Variants in KIAA1210 observed in about 807,000 individuals in gnomAD.
KIAA1210 encodes the protein acrosomal protein KIAA1210.
KIAA1210 carries 48 observed loss-of-function variants against 78.9 expected under a neutral mutation model. That is an observed-to-expected ratio of 0.61 (90% CI 0.48 to 0.77). The LOEUF (loss-of-function observed/expected upper bound fraction) is 0.77, where lower values mean the gene tolerates loss of function less well. KIAA1210 is among the 30% of genes least tolerant of loss of function. The pLI, the probability that KIAA1210 is intolerant of heterozygous loss-of-function variation, is 0.00. For synonymous variants in KIAA1210, 406 were observed against 404.5 expected (o/e 1.00, Z -0.04); for missense variants, 1,108 against 1,100.0 (o/e 1.01, Z -0.10).
intron 2 of KIAA1210, among the ~76,000 whole-genome samples, chrX:119,119,171 G>A (rs757084817): frequency 1.8e-5 from 2 of 112,706 alleles, no homozygotes; most frequent in African/African-American, 3.2e-5. Flanking sequence ...CAATAAATGT[G>A]AGCTAGTGTT....
At position 119,087,233 on chromosome X, in the gene KIAA1210, A is replaced by C; in HGVS notation, c.3469T>G (p.Ser1157Ala). The C allele has an allele frequency of 8.3e-7, 1 of 1,210,998 alleles. No individual in the cohort carries two copies. The highest frequency in any genetic ancestry group is 1.8e-5 in the South Asian group (1 of 56,897). ...NSKKQLPPKHSSQASDRSKFQ... is the reference protein window; with the variant it reads ...NSKKQLPPKHASQASDRSKFQ... Reference sequence around the variant, plus strand: ...TTAGACCTATCTGAGGCTTGGGAAGAATGTTTGGGAGGCAGCTGCTTTTTA... The same window carrying C: ...TTAGACCTATCTGAGGCTTGGGAAGCATGTTTGGGAGGCAGCTGCTTTTTA... The change falls in exon 9 of 12, where the codon TCT (serine) becomes GCT (alanine). Residue 1157 changes from serine to alanine, a missense_variant. By Grantham distance (99) the Ser-to-Ala change is moderately conservative. Coordinates refer to ENST00000691062, the MANE Select transcript of KIAA1210 (RefSeq NM_001394962.1).
intron 2 of KIAA1210, among the ~76,000 whole-genome samples, chrX:119,143,800 T>TAATTTAATC (rs1431937119): frequency 8.9e-6 from 1 of 112,271 alleles, no homozygotes; most frequent in Non-Finnish European, 1.9e-5. Context: ...GCCAGTTACC[T>TAATTTAATC]AATTTAATCT....
intron 1 of KIAA1210, among the ~76,000 whole-genome samples, chrX:119,126,621 C>A (rs972549192): frequency 2.7e-5 from 3 of 112,162 alleles, no homozygotes; most frequent in African/African-American, 9.7e-5. Flanking sequence ...AATAACCATA[C>A]CGCCTTTCTT....
At chrX:119,108,561 T>C in intron 4 of KIAA1210, 90 bp from the exon 5 acceptor site, 1 of 1,065,254 alleles carries the variant, frequency 9.4e-7, no homozygotes, top group Non-Finnish European at 1.2e-6. Context: ...ATTCTTATGG[T>C]GTGTTAAGAG....
At chrX:119,107,564 G>A (rs751874691) in intron 5 of KIAA1210, among the ~76,000 whole-genome samples, 3 of 112,083 alleles carry the variant, frequency 2.7e-5, no homozygotes, top group African/African-American at 6.5e-5. Flanking sequence ...GACCCTAGGG[G>A]CTGCTTAACA....
upstream of KIAA1210, among the ~76,000 whole-genome samples, chrX:119,130,990 G>C (rs1032297081): frequency 9.0e-6 from 1 of 111,530 alleles, no homozygotes; most frequent in African/African-American, 3.3e-5. Flanking sequence ...GGAAAAAAGG[G>C]GAAAAGGCCC....
intron 7 of KIAA1210, among the ~76,000 whole-genome samples, chrX:119,095,421 T>A (rs945669386): frequency 7.2e-5 from 8 of 111,689 alleles, no homozygotes; most frequent in Non-Finnish European, 1.1e-4. Flanking sequence ...AACGGAGTTT[T>A]GCTCTTGTCC....
rs771817453 is a variant in KIAA1210, at chrX:119,079,602, G to A, written c.*1727C>T. ...AGCCGAGGAGTTATTAATGGAGGCTGTGCTACAAAAGAAAAAGACCGTGTG... is the reference window on the plus strand; with the variant it reads ...AGCCGAGGAGTTATTAATGGAGGCTATGCTACAAAAGAAAAAGACCGTGTG... On this transcript the variant is annotated 3_prime_UTR_variant, in exon 12 of 12. Coordinates refer to ENST00000691062, the MANE Select transcript of KIAA1210 (RefSeq NM_001394962.1). 1 of 111,965 alleles carries A rather than the reference G, an allele frequency of 8.9e-6. No homozygotes were observed. Among genetic ancestry groups the A allele is most frequent in the Admixed American group, 9.4e-5 (1 of 10,617 alleles). 9.2% of individuals were successfully genotyped at this position (111,965 alleles called of 1,213,427 possible). A position where few individuals can be genotyped will look rare whatever the true frequency, so the allele number is the denominator to read the frequency against.
rs758235690 is a variant in KIAA1210 at position 119,146,508 on chromosome X, C to A, written c.410+965G>T. On this transcript the variant is annotated intron_variant, in intron 2 of 13. Transcript: ENST00000402510. Reference sequence around the variant, plus strand: ...ACCAAATGAAACCTGTCAACTACATCTTTAGAGACATCTCCAAAAGCTTTA... The same window carrying A: ...ACCAAATGAAACCTGTCAACTACATATTTAGAGACATCTCCAAAAGCTTTA... Among the ~76,000 whole-genome samples, 25 of 112,476 alleles carry A rather than the reference C, an allele frequency of 2.2e-4. 2 individuals carry two copies. In the South Asian group the frequency reaches 9.3e-3, roughly 42 times the overall value.
intron 2 of KIAA1210, among the ~76,000 whole-genome samples, chrX:119,119,558 T>C (rs899457747): frequency 7.1e-5 from 8 of 112,414 alleles, no homozygotes; most frequent in Non-Finnish European, 1.3e-4. Context: ...TAATAAAATA[T>C]TTAAGGCTGG....
At position 119,085,383 on chromosome X, in the gene KIAA1210, C is replaced by T. The variant is rs1454484069; in HGVS notation, c.4320G>A (p.Glu1440=). The T allele has an allele frequency of 1.7e-6, 2 of 1,206,320 alleles. No individual in the cohort carries two copies. Among genetic ancestry groups the T allele is most frequent in the African/African-American group, 1.8e-5 (1 of 57,068 alleles). ...ADAETKEPKY[E]GAGSANENQP... ...TTTTATTGGCTACCCCAGGTCCTAC[C>T]TCATATTTAGGCTCCTTAGTCTCAG... Residue 1440 remains glutamate (E), a splice_region_variant and synonymous_variant, in exon 10 of 12, where the codon GAG becomes GAA. Coordinates refer to ENST00000691062, the MANE Select transcript of KIAA1210 (RefSeq NM_001394962.1).
At chrX:119,109,326 G>T in intron 3 of KIAA1210, 124 bp from the exon 4 acceptor site, 1 of 639,090 alleles carries the variant, frequency 1.6e-6, no homozygotes, top group Non-Finnish European at 2.3e-6. Context: ...CATATGTGCT[G>T]ACATAGAAAG....
At chrX:119,125,732 TA>T (rs1928617208) in intron 1 of KIAA1210, among the ~76,000 whole-genome samples, 1 of 8,671 alleles carries the variant, frequency 1.2e-4, no homozygotes, top group African/African-American at 1.7e-4. Flanking sequence ...TATATATATA[TA>T]TATTTTTTTT....
At chrX:119,150,927 C>T (rs952683857), upstream of KIAA1210, among the ~76,000 whole-genome samples, 8 of 112,522 alleles carry the variant, frequency 7.1e-5, no homozygotes, top group Non-Finnish European at 1.5e-4. Context: ...CGGCTGCGCC[C>T]GCCACTTACT....
Position 119,150,254 on chromosome X carries a change from C to CT in KIAA1210, c.289+36dup, listed in dbSNP as rs777623857. The CT allele has an allele frequency of 6.0e-6, 7 of 1,165,407 alleles. No homozygotes were observed. The African/African-American group carries it at 1.1e-4, about 18-fold the overall frequency. Reference sequence around the variant, plus strand: ...AGACTTGAGTCATTTCTTACAAACTCTGTCAAAGTCAAGGCTGTAGGAGTG... The same window carrying CT: ...AGACTTGAGTCATTTCTTACAAACTCTTGTCAAAGTCAAGGCTGTAGGAGTG... On this transcript the variant is annotated intron_variant, in intron 1 of 13. Coordinates refer to the KIAA1210 transcript ENST00000402510.
At position 119,088,361 on chromosome X, in the gene KIAA1210, G is replaced by A; in HGVS notation, c.2341C>T (p.Pro781Ser). The A allele has an allele frequency of 2.5e-6, 3 of 1,210,806 alleles. No homozygotes were observed. The South Asian group carries it at 5.3e-5, about 21-fold the overall frequency. The change falls in exon 9 of 12, where the codon CCT becomes TCT. Residue 781 changes from proline (P) to serine (S), a missense_variant. Transcript: ENST00000691062. ...GAGGAAACTTCTTGCTCCACTTTAG[G>A]GTTCACCCATGGCTGGAAAGGGTGT... ...PRHPFQPWVN[P>S]KVEQEVSSSP...
At chrX:119,104,593 A>G (rs1443643818) in intron 6 of KIAA1210, among the ~76,000 whole-genome samples, 2 of 111,915 alleles carry the variant, frequency 1.8e-5, no homozygotes, top group East Asian at 5.5e-4. Flanking sequence ...CATATGAAAT[A>G]GACACATCGC....
In KIAA1210 at chrX:119,081,039, G is replaced by A. The variant is rs1248030094; in HGVS notation, c.*290C>T. 4.2e-5 allele frequency: 7 copies of A among 166,420 alleles called. No homozygotes were observed. The highest frequency in any genetic ancestry group is 6.7e-5 in the Non-Finnish European group (6 of 89,800). 13.7% of individuals were successfully genotyped at this position (166,420 alleles called of 1,213,427 possible). ...CAGCTTTTGGGAGGCTGAGGCGGGC[G>A]GATCACGAGGTCAGGAGATCAAGAC... On this transcript the variant is annotated 3_prime_UTR_variant, in exon 12 of 12. Coordinates refer to ENST00000691062, the MANE Select transcript of KIAA1210 (RefSeq NM_001394962.1).
At chrX:119,094,269 G>A (rs1287648152) in intron 7 of KIAA1210, among the ~76,000 whole-genome samples, 1 of 112,190 alleles carries the variant, frequency 8.9e-6, no homozygotes, top group Non-Finnish European at 1.9e-5. Flanking sequence ...AAAAAGAATT[G>A]GGGTTTTGTT....
Sources: gnomAD v4.1 joint callset for allele counts (sites outside exome capture counted in the v4.1 genomes callset) on GRCh38, gnomAD v4.1.1 for gene constraint, MANE v1.5 for transcripts, NCBI Gene and HGNC (gene_info 2026-07-23, HGNC 2026-07-21) for gene names.